The following SLIT2 variants were observed in gnomAD, a reference collection of about 807,000 sequenced individuals.
SLIT2 encodes slit guidance ligand 2.
SLIT2 carries 41 observed loss-of-function variants against 185.7 expected under a neutral mutation model. The observed-to-expected ratio is 0.22, with a 90% CI of 0.17 to 0.29. SLIT2 has a LOEUF of 0.29. SLIT2 is among the 10% of genes least tolerant of loss of function. SLIT2 has a pLI of 1.00. For missense variants in SLIT2, 1,571 were observed against 1,909.0 expected, an observed-to-expected ratio of 0.82 and a Z score of 3.30; for synonymous variants, 693 against 680.2, an observed-to-expected ratio of 1.02 and a Z score of -0.29.
chr4:20,254,922 T>G lies in SLIT2; in HGVS notation c.179+928T>G. 2.2e-6 allele frequency: 1 copy of G among 456,284 alleles called. No homozygotes were observed. Among genetic ancestry groups the G allele is most frequent in the Non-Finnish European group, 4.4e-6 (1 of 226,950 alleles). The allele number at this position is 456,284 out of a possible 1,614,324, so 28.3% of individuals were successfully genotyped here. A position where few individuals can be genotyped will look rare whatever the true frequency, so the allele number is the denominator to read the frequency against. On this transcript the variant is annotated intron_variant, in intron 1 of 36. Coordinates refer to ENST00000504154, the MANE Select transcript of SLIT2 (RefSeq NM_004787.4). The surrounding 1 kb of genome is among the most constrained non-coding windows in gnomAD (Gnocchi z 5.1). ...GCAGACGTCCCCGCCTCCCTGTCTT[T>G]GCGAGTCTCTAATGAAGAAGTAAAT... is the stretch of plus-strand genomic sequence containing the variant.
intron 4 of SLIT2, among the ~76,000 whole-genome samples, chr4:20,327,850 C>G (rs899660730): frequency 3.9e-5 from 6 of 152,014 alleles, no homozygotes; most frequent in African/African-American, 1.4e-4. Flanking sequence ...CCTGTGTTGC[C>G]TATTTCATAC....
chr4:20,486,426 G>T (rs1327093704), intron 7 of SLIT2, among the ~76,000 whole-genome samples, 155 bp downstream of exon 7: 1 of 152,066 alleles, frequency 6.6e-6, no homozygotes, highest in Non-Finnish European at 1.5e-5. Flanking sequence ...TTGTGGGAAT[G>T]AGCTATTATT....
chr4:20,380,201 G>A (rs1245856515), intron 4 of SLIT2, among the ~76,000 whole-genome samples: 1 of 152,078 alleles, frequency 6.6e-6, no homozygotes, highest in East Asian at 1.9e-4. Context: ...TCAGTAGTAT[G>A]GTCAAATTAG....
In SLIT2 at chr4:20,598,285, C is replaced by T. The variant is rs1056093409; in HGVS notation, c.3582C>T (p.Ser1194=). 10 of 1,613,712 alleles carry T rather than the reference C, an allele frequency of 6.2e-6. No homozygotes were observed. The highest frequency in any genetic ancestry group is 3.3e-5 in the South Asian group (3 of 91,064). ...ITLQIATDED[S]GILLYKGDKD... is the part of the protein sequence containing the mutation. ...ACTAGATTGCCACAGATGAAGACAG[C>T]GGAATCCTCCTGTATAAGGGTGACA... The change falls in exon 33 of 37, where the codon AGC becomes AGT. Residue 1194 remains serine (S), a synonymous_variant. Transcript: ENST00000504154.
intron 3 of SLIT2, among the ~76,000 whole-genome samples, chr4:20,261,150 G>T (rs886945033): frequency 1.2e-4 from 18 of 151,718 alleles, no homozygotes; most frequent in African/African-American, 4.4e-4. Flanking sequence ...ATTGCTAGTG[G>T]TACCTGTTTA....
intron 33 of SLIT2, among the ~76,000 whole-genome samples, chr4:20,599,096 C>T (rs1728213279): frequency 6.6e-6 from 1 of 152,146 alleles, no homozygotes; most frequent in African/African-American, 2.4e-5. Flanking sequence ...AGGAACAAAG[C>T]CCCTGCTCAT....
At position 20,253,284 on chromosome 4, in the gene SLIT2, C is replaced by T. The variant is rs542110411; in HGVS notation, c.-532C>T. 18 of 155,754 alleles carry T rather than the reference C, an allele frequency of 1.2e-4. No homozygotes were observed. In the South Asian group the frequency reaches 2.0e-3, roughly 17 times the overall value. 9.6% of individuals were successfully genotyped at this position (155,754 alleles called of 1,614,324 possible). A position where few individuals can be genotyped will look rare whatever the true frequency, so the allele number is the denominator to read the frequency against. On this transcript the variant is annotated 5_prime_UTR_variant, in exon 1 of 37. Transcript: ENST00000504154. ...TTGCCCCGCGCGCTCTGCTACGGGC[C>T]CGCTGGGCTTCCGCGCCTTCTAGCT...
At chr4:20,307,152 CTCCCTCCCTCCTTCCT>C (rs1282559334) in intron 4 of SLIT2, among the ~76,000 whole-genome samples, 1 of 16,692 alleles carries the variant, frequency 6.0e-5, no homozygotes, top group African/African-American at 2.0e-4. Flanking sequence ...CCCTCCCTCC[CTCCCTCCCTCCTTCCT>C]TCCTTCCTTC....
intron 6 of SLIT2, among the ~76,000 whole-genome samples, chr4:20,481,793 T>G (rs1716728376): frequency 6.6e-6 from 1 of 152,084 alleles, no homozygotes; most frequent in Non-Finnish European, 1.5e-5. Context: ...TATTTTTATA[T>G]GGTTTTGGTT....
At chr4:20,327,733 T>C (rs78848214) in intron 4 of SLIT2, among the ~76,000 whole-genome samples, 10,214 of 152,130 alleles carry the variant, frequency 0.067, 393 homozygotes, top group Non-Finnish European at 0.085. Flanking sequence ...ATACTTACGA[T>C]GTATGAAAAC....
intron 33 of SLIT2, among the ~76,000 whole-genome samples, chr4:20,605,706 A>T (rs1028401995): frequency 6.9e-6 from 1 of 145,336 alleles, no homozygotes; most frequent in African/African-American, 2.5e-5. Flanking sequence ...CTTTTATTTT[A>T]TTTTATATTT....
At chr4:20,315,877 C>T (rs1718531130) in intron 4 of SLIT2, among the ~76,000 whole-genome samples, 1 of 151,984 alleles carries the variant, frequency 6.6e-6, no homozygotes, top group African/African-American at 2.4e-5. Context: ...ATTGTGTATT[C>T]TATGTACTTA....
At chr4:20,335,766 C>T (rs1286428365) in intron 4 of SLIT2, among the ~76,000 whole-genome samples, 1 of 152,068 alleles carries the variant, frequency 6.6e-6, no homozygotes, top group Non-Finnish European at 1.5e-5. Flanking sequence ...CTATAACCAT[C>T]AGATGGAAAA....
intron 33 of SLIT2, among the ~76,000 whole-genome samples, chr4:20,599,080 G>C (rs1238655367): frequency 2.0e-5 from 3 of 152,120 alleles, no homozygotes; most frequent in African/African-American, 7.2e-5. Context: ...CCTGTCCTGA[G>C]CTTTAAGGAA....
At chr4:20,324,241 C>T (rs1719350536) in intron 4 of SLIT2, among the ~76,000 whole-genome samples, 1 of 147,894 alleles carries the variant, frequency 6.8e-6, no homozygotes. Flanking sequence ...GCTATGTTGA[C>T]AACCCCAGTG....
chr4:20,369,644 A>C (rs1723415274), intron 4 of SLIT2, among the ~76,000 whole-genome samples: 2 of 152,170 alleles, frequency 1.3e-5, no homozygotes, highest in Admixed American at 1.3e-4. Context: ...CACAGGAACC[A>C]CTGGGTCTCC....
chr4:20,372,469 A>G (rs963722385), intron 4 of SLIT2, among the ~76,000 whole-genome samples: 12 of 152,124 alleles, frequency 7.9e-5, no homozygotes, highest in African/African-American at 2.9e-4. Flanking sequence ...TATTAAAAAG[A>G]AATGATTTTA....
intron 34 of SLIT2, chr4:20,615,151 T>TA (rs1252460994): frequency 1.3e-5 from 2 of 152,178 alleles, no homozygotes; most frequent in Non-Finnish European, 2.9e-5. Flanking sequence ...ATGTGGTCAT[T>TA]AAAGTCCTTA....
chr4:20,605,738 A>ATTTTT (rs1404040623), intron 33 of SLIT2, among the ~76,000 whole-genome samples: 1 of 149,098 alleles, frequency 6.7e-6, no homozygotes, highest in Non-Finnish European at 1.5e-5. Flanking sequence ...ATTTTATTTT[A>ATTTTT]TTTTATTTTA....
Sources: allele counts gnomAD v4.1 joint callset (sites outside exome capture counted in the v4.1 genomes callset), GRCh38; gene constraint gnomAD v4.1.1; non-coding constraint Gnocchi (gnomAD v3.1); transcripts MANE v1.5; gene names NCBI Gene and HGNC (gene_info 2026-07-23, HGNC 2026-07-21).